The following EEFSEC variants were observed in gnomAD, a reference collection of about 807,000 sequenced individuals.
EEFSEC encodes the protein eukaryotic elongation factor, selenocysteine-tRNA specific.
A neutral mutation model predicts 42.1 loss-of-function variants in EEFSEC; 43 were observed. The ratio of observed to expected loss-of-function variants is 1.02; its 90% CI spans 0.80 to 1.32. The LOEUF (loss-of-function observed/expected upper bound fraction) is 1.32. Among genes scored for constraint, EEFSEC ranks in the 40% most tolerant of loss-of-function variants. EEFSEC has a pLI of 0.00. For missense variants in EEFSEC, 745 were observed against 803.6 expected (o/e 0.93, Z 0.88); for synonymous variants, 354 against 339.1 (o/e 1.04, Z -0.48).
intron 1 of EEFSEC, among the ~76,000 whole-genome samples, chr3:128,181,091 T>C (rs955536197): frequency 2.0e-5 from 3 of 152,150 alleles, no homozygotes; most frequent in Admixed American, 2.0e-4. Flanking sequence ...CTTCAGGACA[T>C]GGATGGGGAC....
chr3:128,391,902 G>T (rs541998964), intron 6 of EEFSEC, among the ~76,000 whole-genome samples: 4 of 152,202 alleles, frequency 2.6e-5, no homozygotes, highest in Non-Finnish European at 4.4e-5. Flanking sequence ...AGAGGGAGGC[G>T]CCCAGCACCA....
rs2067478323 is a variant in EEFSEC at position 128,358,080 on chromosome 3, C to A, written c.1444-137C>A. The A allele has an allele frequency of 7.0e-6, 8 of 1,135,150 alleles. No individual in the cohort carries two copies. The East Asian group carries it at 1.5e-4, about 21-fold the overall frequency. The allele number at this position is 1,135,150 out of a possible 1,614,324, so 70.3% of individuals were successfully genotyped here. On this transcript the variant is annotated intron_variant, in intron 5 of 6. Coordinates refer to ENST00000254730, the MANE Select transcript of EEFSEC (RefSeq NM_021937.5). ...TCTGTTAGGTGGGCTCATCACCAGGCTACCCACAGGGTTCCTAGAGCGGGC... is the reference window on the plus strand; with the variant it reads ...TCTGTTAGGTGGGCTCATCACCAGGATACCCACAGGGTTCCTAGAGCGGGC...
chr3:128,343,146 C>T (rs967640473), intron 5 of EEFSEC, among the ~76,000 whole-genome samples: 6 of 152,208 alleles, frequency 3.9e-5, no homozygotes, highest in Non-Finnish European at 7.3e-5. Context: ...GGGTTTAGTG[C>T]AGGTGCCAGC....
chr3:128,238,677 C>T (rs1287749906), intron 1 of EEFSEC, among the ~76,000 whole-genome samples: 3 of 152,130 alleles, frequency 2.0e-5, no homozygotes, highest in African/African-American at 4.8e-5. Flanking sequence ...TTAGTAGAGA[C>T]GGGGTTTCAT....
At chr3:128,162,864 A>G (rs998612134) in intron 1 of EEFSEC, among the ~76,000 whole-genome samples, 4 of 152,232 alleles carry the variant, frequency 2.6e-5, no homozygotes, top group Non-Finnish European at 5.9e-5. Flanking sequence ...AATCATAGCC[A>G]CAGCTTTCGG....
chr3:128,358,768 G>A (rs528126718), intron 6 of EEFSEC, among the ~76,000 whole-genome samples: 1 of 152,266 alleles, frequency 6.6e-6, no homozygotes, highest in South Asian at 2.1e-4. Flanking sequence ...ACGTGGTAAG[G>A]TTTCCAGGGA....
intron 3 of EEFSEC, 50 bp downstream of exon 3, chr3:128,262,274 G>C: frequency 6.5e-7 from 1 of 1,536,498 alleles, no homozygotes; most frequent in Non-Finnish European, 9.0e-7. Context: ...CGCTGCTCAG[G>C]CCAGCCCCTT....
chr3:128,258,477 A>G (rs1237132501), intron 2 of EEFSEC, among the ~76,000 whole-genome samples: 4 of 152,184 alleles, frequency 2.6e-5, no homozygotes, highest in Admixed American at 6.5e-5. Flanking sequence ...CTCTAAAATG[A>G]TAATATAATA....
chr3:128,317,108 G>T lies in EEFSEC; in HGVS notation c.787-24125G>T, dbSNP rs1459715988. ...AAGAAAAATAGAAGACGTTCTGGCA[G>T]GCTGGGGGTTAGAGTTTTCCAAGCA... On this transcript the variant is annotated intron_variant, in intron 4 of 6. Coordinates refer to ENST00000254730, the MANE Select transcript of EEFSEC (RefSeq NM_021937.5). This position sits in a 1 kb window ranked among gnomAD's most constrained non-coding sequence, Gnocchi z 4.1. Among the ~76,000 whole-genome samples, 2 of 152,180 alleles carry T rather than the reference G, an allele frequency of 1.3e-5. No homozygotes were observed. The highest frequency in any genetic ancestry group is 1.3e-4 in the Admixed American group (2 of 15,286).
intron 6 of EEFSEC, among the ~76,000 whole-genome samples, chr3:128,372,921 G>T (rs1055613441): frequency 3.0e-4 from 45 of 152,358 alleles, no homozygotes; most frequent in African/African-American, 1.0e-3. Context: ...AGCCACTGCT[G>T]CTGTAGATGT....
chr3:128,375,058 A>G (rs572429833), intron 6 of EEFSEC, among the ~76,000 whole-genome samples: 1 of 152,276 alleles, frequency 6.6e-6, no homozygotes, highest in Admixed American at 6.5e-5. Flanking sequence ...GTGGTTAAAG[A>G]AATACTCTAA....
chr3:128,298,957 T>C (rs2066737814), intron 4 of EEFSEC, among the ~76,000 whole-genome samples: 1 of 152,250 alleles, frequency 6.6e-6, no homozygotes, highest in Non-Finnish European at 1.5e-5. Flanking sequence ...ATTTTCTTTA[T>C]TCATTTATCT....
intron 1 of EEFSEC, among the ~76,000 whole-genome samples, chr3:128,185,054 A>G (rs1294690178): frequency 6.6e-6 from 1 of 152,184 alleles, no homozygotes; most frequent in Non-Finnish European, 1.5e-5. Context: ...AACAAATACA[A>G]GTCTGCCATA....
intron 1 of EEFSEC, among the ~76,000 whole-genome samples, chr3:128,182,922 G>A (rs886960362): frequency 2.0e-5 from 3 of 151,804 alleles, no homozygotes; most frequent in Non-Finnish European, 2.9e-5. Context: ...GGGGGTGGGC[G>A]GGTTGCCAGA....
At chr3:128,379,665 A>AT in intron 6 of EEFSEC, among the ~76,000 whole-genome samples, 1 of 152,290 alleles carries the variant, frequency 6.6e-6, no homozygotes, top group Non-Finnish European at 1.5e-5. Context: ...GAGGCTGTCT[A>AT]GGGGTATCTT....
In EEFSEC at chr3:128,296,982, G is replaced by A. The variant is rs552547252; in HGVS notation, c.786+32201G>A. On this transcript the variant is annotated intron_variant, in intron 4 of 6. Coordinates refer to ENST00000254730, the MANE Select transcript of EEFSEC (RefSeq NM_021937.5). ...GGGAGGGACCTCTGGAGTCCCAGAGGTTTGGCAAAGCTCCCTGCAGTCTTT... is the reference window on the plus strand; with the variant it reads ...GGGAGGGACCTCTGGAGTCCCAGAGATTTGGCAAAGCTCCCTGCAGTCTTT... Among the ~76,000 whole-genome samples the A allele has an allele frequency of 4.5e-4, 68 of 152,292 alleles. No homozygotes were observed. In the Middle Eastern group the frequency reaches 0.01, roughly 23 times the overall value.
At chr3:128,412,598 G>A (rs769116232), downstream of EEFSEC, among the ~76,000 whole-genome samples, 28 of 152,364 alleles carry the variant, frequency 1.8e-4, no homozygotes, top group Admixed American at 4.6e-4. Context: ...GCTCGCTGGG[G>A]CCCGTGTGCC....
chr3:128,382,803 GA>G (rs911965592), intron 6 of EEFSEC, among the ~76,000 whole-genome samples: 6 of 150,200 alleles, frequency 4.0e-5, no homozygotes, highest in Non-Finnish European at 5.9e-5. Flanking sequence ...GGATGAGCCC[GA>G]AAAAAAAAGA....
chr3:128,215,225 G>T (rs1466265883), intron 1 of EEFSEC, among the ~76,000 whole-genome samples: 2 of 152,166 alleles, frequency 1.3e-5, no homozygotes, highest in African/African-American at 2.4e-5. Flanking sequence ...GCACTTGAAT[G>T]TTAGGGGGTG....
Sources: allele counts gnomAD v4.1 joint callset (sites outside exome capture counted in the v4.1 genomes callset), GRCh38; gene constraint gnomAD v4.1.1; non-coding constraint Gnocchi (gnomAD v3.1); transcripts MANE v1.5; gene names NCBI Gene and HGNC (gene_info 2026-07-23, HGNC 2026-07-21).